The following NAALADL2 variants were observed in gnomAD, a reference collection of about 807,000 sequenced individuals.
NAALADL2 encodes inactive N-acetylated-alpha-linked acidic dipeptidase-like protein 2.
In NAALADL2, 76 loss-of-function variants were observed where a neutral mutation model predicts 87.2. The observed-to-expected ratio is 0.87, with a 90% confidence interval of 0.72 to 1.05. NAALADL2 has a LOEUF of 1.05. NAALADL2 is among the 50% of genes least tolerant of loss of function. The probability of loss-of-function intolerance (pLI) is 0.00; values close to 1 mark genes in which losing one functional copy is unlikely to be tolerated. For synonymous variants in NAALADL2, 354 were observed against 331.0 expected, an observed-to-expected ratio of 1.07 and a Z score of -0.75; for missense variants, 1,089 against 945.8, an observed-to-expected ratio of 1.15 and a Z score of -1.99.
At chr3:175,680,214 A>G (rs556269652) in intron 11 of NAALADL2, among the ~76,000 whole-genome samples, 8 of 152,186 alleles carry the variant, frequency 5.3e-5, no homozygotes, top group African/African-American at 1.7e-4. Flanking sequence ...TCATTGTTAC[A>G]CATAAAAATA....
At chr3:175,674,409 A>G (rs901380397) in intron 11 of NAALADL2, among the ~76,000 whole-genome samples, 4 of 151,404 alleles carry the variant, frequency 2.6e-5, no homozygotes, top group African/African-American at 9.7e-5. Flanking sequence ...ACGGATGCAC[A>G]CCACCACCCC....
chr3:174,587,517 T>C (rs1043861633), intron 2 of NAALADL2, among the ~76,000 whole-genome samples: 28 of 152,208 alleles, frequency 1.8e-4, no homozygotes, highest in Admixed American at 5.2e-4. Context: ...CTGGTACCTG[T>C]TGTTCCTTTC....
intron 1 of NAALADL2, among the ~76,000 whole-genome samples, chr3:174,982,757 G>A (rs534977260): frequency 2.6e-5 from 4 of 152,264 alleles, no homozygotes; most frequent in South Asian, 4.1e-4. Flanking sequence ...AAATGATGAC[G>A]TGTTAGATAA....
At chr3:175,078,100 C>T (rs1234773757) in intron 1 of NAALADL2, among the ~76,000 whole-genome samples, 4 of 151,754 alleles carry the variant, frequency 2.6e-5, no homozygotes, top group African/African-American at 9.7e-5. Context: ...TCTCTGATCA[C>T]TGCAACCTCT....
intron 3 of NAALADL2, among the ~76,000 whole-genome samples, chr3:174,815,514 G>A (rs1056449778): frequency 6.6e-6 from 1 of 152,062 alleles, no homozygotes; most frequent in Non-Finnish European, 1.5e-5. Context: ...CTGAAGCCTC[G>A]AACTGCTGTG....
At chr3:174,846,982 A>T (rs1724694841) in intron 3 of NAALADL2, among the ~76,000 whole-genome samples, 1 of 152,200 alleles carries the variant, frequency 6.6e-6, no homozygotes, top group Non-Finnish European at 1.5e-5. Flanking sequence ...TAGGCGATAG[A>T]GTTCAATGAC....
intron 5 of NAALADL2, among the ~76,000 whole-genome samples, chr3:175,392,855 C>T (rs369997132): frequency 6.6e-6 from 1 of 152,206 alleles, no homozygotes; most frequent in African/African-American, 2.4e-5. Context: ...GGACAAACCA[C>T]AGGCTTGCCT....
chr3:174,794,446 G>T (rs980791439), intron 3 of NAALADL2, among the ~76,000 whole-genome samples: 2 of 151,730 alleles, frequency 1.3e-5, no homozygotes, highest in African/African-American at 4.8e-5. Flanking sequence ...AAAGAGGACA[G>T]AAAAAAATTA....
intron 1 of NAALADL2, among the ~76,000 whole-genome samples, chr3:174,981,240 T>A (rs1391467491): frequency 2.0e-5 from 3 of 152,200 alleles, no homozygotes; most frequent in African/African-American, 7.2e-5. Flanking sequence ...ATATTATTCT[T>A]CAAGTAATTC....
At chr3:175,089,440 A>C (rs2108305398) in intron 1 of NAALADL2, among the ~76,000 whole-genome samples, 1 of 152,318 alleles carries the variant, frequency 6.6e-6, no homozygotes, top group Non-Finnish European at 1.5e-5. Context: ...AGCTGTGAGA[A>C]CTTGGGAAAA....
intron 1 of NAALADL2, among the ~76,000 whole-genome samples, chr3:174,926,271 T>C (rs1318371874): frequency 6.6e-6 from 1 of 152,166 alleles, no homozygotes; most frequent in Non-Finnish European, 1.5e-5. Context: ...GGAACCAAGT[T>C]GGAAAACACT....
At chr3:175,116,723 G>T (rs1263913411) in intron 2 of NAALADL2, among the ~76,000 whole-genome samples, 4 of 150,122 alleles carry the variant, frequency 2.7e-5, no homozygotes, top group Admixed American at 6.6e-5. Flanking sequence ...CACAGAATTG[G>T]AAAAACAAAA....
intron 2 of NAALADL2, among the ~76,000 whole-genome samples, chr3:174,570,181 C>A (rs1228516171): frequency 2.6e-5 from 4 of 151,920 alleles, no homozygotes; most frequent in Non-Finnish European, 5.9e-5. Context: ...TATCTCTGTT[C>A]CAGTACATTT....
chr3:175,608,874 T>A (rs983049047), intron 10 of NAALADL2, among the ~76,000 whole-genome samples: 1 of 152,152 alleles, frequency 6.6e-6, no homozygotes, highest in Non-Finnish European at 1.5e-5. Context: ...ATTTATATAA[T>A]TGACTTTTAT....
At chr3:175,099,057 A>G (rs918412890) in intron 2 of NAALADL2, among the ~76,000 whole-genome samples, 1 of 152,040 alleles carries the variant, frequency 6.6e-6, no homozygotes, top group Non-Finnish European at 1.5e-5. Context: ...TTATTTACAA[A>G]CTAAGCTACA....
intron 9 of NAALADL2, chr3:175,487,535 A>G (rs1249136000): frequency 2.2e-6 from 1 of 456,630 alleles, no homozygotes; most frequent in East Asian, 7.0e-5. Flanking sequence ...CAGGAACCTT[A>G]GTTCCAGGTT....
rs147465110 is a variant in NAALADL2, at chr3:174,832,503, C to G, written c.-9+94757C>G. On this transcript the variant is annotated intron_variant, in intron 3 of 3. Coordinates refer to the NAALADL2 transcript ENST00000434257. ...TTGAGATGGAGTCTGGCTCTGTCAT[C>G]CAGGCTGGAGTGCAGTGGCTCGATC... Among the ~76,000 whole-genome samples, 1,404 of 152,184 alleles carry G rather than the reference C, an allele frequency of 9.2e-3. 27 individuals carry two copies. The highest frequency in any genetic ancestry group is 0.042 in the Admixed American group (642 of 15,282).
At chr3:174,494,814 A>G (rs990146934) in intron 1 of NAALADL2, among the ~76,000 whole-genome samples, 2 of 152,104 alleles carry the variant, frequency 1.3e-5, no homozygotes, top group Non-Finnish European at 2.9e-5. Flanking sequence ...CGTTGGAGGG[A>G]TAGATTTTAA....
Position 175,564,291 on chromosome 3 carries a change from T to A in NAALADL2, c.1654-11750T>A, listed in dbSNP as rs115149548. ...TAGTGAATGATGCTAATACGCAAAATAATTTGAAATGTTTCTTTGCTTCTG... is the reference window on the plus strand; with the variant it reads ...TAGTGAATGATGCTAATACGCAAAAAAATTTGAAATGTTTCTTTGCTTCTG... On this transcript the variant is annotated intron_variant, in intron 9 of 13. Transcript: ENST00000454872. 3.4e-3 allele frequency among the ~76,000 whole-genome samples: 514 copies of A among 152,262 alleles called. 1 individual carries two copies. Among genetic ancestry groups the A allele is most frequent in the Middle Eastern group, 6.8e-3 (2 of 294 alleles).
Sources: gnomAD v4.1 joint callset for allele counts (sites outside exome capture counted in the v4.1 genomes callset) on GRCh38, gnomAD v4.1.1 for gene constraint, MANE v1.5 for transcripts, NCBI Gene and HGNC (gene_info 2026-07-23, HGNC 2026-07-21) for gene names.